HK1: variants seen among roughly 807,000 people sequenced by gnomAD.
The protein encoded by HK1 is hexokinase 1.
A neutral mutation model predicts 91.6 loss-of-function variants in HK1; 28 were observed. The observed-to-expected ratio is 0.31, with a 90% confidence interval of 0.23 to 0.42. The LOEUF (loss-of-function observed/expected upper bound fraction) is 0.42, where lower values mean the gene tolerates loss of function less well. HK1 is among the 10% of genes least tolerant of loss of function. The probability of loss-of-function intolerance (pLI) is 1.00; values close to 1 mark genes in which losing one functional copy is unlikely to be tolerated. For missense variants in HK1, 770 were observed against 1,219.8 expected (o/e 0.63, Z 5.49); for synonymous variants, 430 against 468.1 (o/e 0.92, Z 1.05).
chr10:69,366,117 C>T (rs773226166), intron 4 of HK1, among the ~76,000 whole-genome samples: 7 of 152,160 alleles, frequency 4.6e-5, no homozygotes, highest in Non-Finnish European at 7.3e-5. Flanking sequence ...AGACGTGAGC[C>T]ACTGCACCTG....
At chr10:69,357,399 A>G (rs1849186033) in intron 2 of HK1, among the ~76,000 whole-genome samples, 1 of 152,194 alleles carries the variant, frequency 6.6e-6, no homozygotes, top group Non-Finnish European at 1.5e-5. Flanking sequence ...AACCTTAAAA[A>G]CATTTTGCTT....
At position 69,369,354 on chromosome 10, in the gene HK1, GC is replaced by G; in HGVS notation, c.691+21del. 6.2e-7 allele frequency: 1 copy of G among 1,613,672 alleles called. No individual in the cohort carries two copies. The highest frequency in any genetic ancestry group is 8.5e-7 in the Non-Finnish European group (1 of 1,179,564). The stretch of plus-strand genomic sequence containing the variant: ...GATCATCGGTAATGCATTCCCCTTT[GC>G]CCATCCATTTGTTCGGCCCATCTTT... On this transcript the variant is annotated intron_variant, in intron 6 of 17. Transcript: ENST00000359426. This position sits in a 1 kb window ranked among gnomAD's most constrained non-coding sequence, Gnocchi z 4.4.
At chr10:69,385,539 G>A (rs1186379068) in intron 12 of HK1, among the ~76,000 whole-genome samples, 1 of 152,232 alleles carries the variant, frequency 6.6e-6, no homozygotes, top group Non-Finnish European at 1.5e-5. Context: ...AACCAATGGT[G>A]CAGAGTCACG....
chr10:69,352,683 A>G (rs905454765), intron 2 of HK1, among the ~76,000 whole-genome samples: 20 of 152,234 alleles, frequency 1.3e-4, no homozygotes, highest in Non-Finnish European at 1.8e-4. Flanking sequence ...TCTGTAGAGC[A>G]GAAAGTACAT....
intron 4 of HK1, among the ~76,000 whole-genome samples, chr10:69,297,614 G>T (rs1232420362): frequency 1.3e-5 from 2 of 151,962 alleles, no homozygotes; most frequent in East Asian, 3.9e-4. Context: ...CTTGGTTGAG[G>T]CCGGATGTGG....
chr10:69,375,557 CTCTGTGCCCTGTGCTGA>C (rs373998444), intron 7 of HK1, among the ~76,000 whole-genome samples: 66 of 152,330 alleles, frequency 4.3e-4, no homozygotes, highest in African/African-American at 1.5e-3. Context: ...TTTAAGGAGG[CTCTGTGCCCTGTGCTGA>C]TGGTTGAGGG....
chr10:69,319,189 T>G, intron 1 of HK1, 179 bp downstream of exon 1: 6 of 746,862 alleles, frequency 8.0e-6, no homozygotes, highest in East Asian at 2.8e-5. Context: ...TCAGTGTCTC[T>G]GTGTGTGTGC....
At chr10:69,366,687 A>C (rs959688005) in intron 4 of HK1, among the ~76,000 whole-genome samples, 1 of 152,040 alleles carries the variant, frequency 6.6e-6, no homozygotes, top group African/African-American at 2.4e-5. Context: ...GTATCTGAGA[A>C]CGCCCCTCCA....
intron 1 of HK1, among the ~76,000 whole-genome samples, chr10:69,274,462 G>A (rs1375785189): frequency 6.6e-6 from 1 of 151,946 alleles, no homozygotes; most frequent in Non-Finnish European, 1.5e-5. Context: ...GCTGGGCATG[G>A]TGTCACACAC....
intron 1 of HK1, among the ~76,000 whole-genome samples, chr10:69,342,073 G>A (rs1291964310): frequency 5.3e-5 from 8 of 152,068 alleles, no homozygotes; most frequent in African/African-American, 1.9e-4. Flanking sequence ...GCTTGAACCT[G>A]GGAGGTGGAG....
chr10:69,370,976 C>T (rs142731623), intron 7 of HK1, among the ~76,000 whole-genome samples: 1 of 152,224 alleles, frequency 6.6e-6, no homozygotes, highest in Non-Finnish European at 1.5e-5. Context: ...TACTGTCAAC[C>T]TACAGAGAGA....
At chr10:69,283,245 G>A (rs530312751) in intron 2 of HK1, among the ~76,000 whole-genome samples, 2 of 150,758 alleles carry the variant, frequency 1.3e-5, no homozygotes, top group East Asian at 1.9e-4. Context: ...CCAGGAGTTC[G>A]AGACCAGCCT....
intron 2 of HK1, among the ~76,000 whole-genome samples, chr10:69,352,148 AC>A: frequency 6.6e-6 from 1 of 152,000 alleles, no homozygotes; most frequent in South Asian, 2.1e-4. Context: ...ACCTACCACT[AC>A]ACCCAGCTAA....
At chr10:69,310,076 C>T (rs1413141603) in intron 5 of HK1, among the ~76,000 whole-genome samples, 2 of 147,906 alleles carry the variant, frequency 1.4e-5, no homozygotes, top group Non-Finnish European at 3.0e-5. Context: ...AGAGATTGTA[C>T]CACTGAACTC....
At position 69,382,781 on chromosome 10, in the gene HK1, C is replaced by T. The variant is rs200419488; in HGVS notation, c.1560C>T (p.Pro520=). Residue 520 remains proline, a synonymous_variant, in exon 10 of 18, where the codon CCC becomes CCT. Transcript: ENST00000359426. The part of the protein sequence containing the change: ...KMLPSFVRRT[P]DGTENGDFLA... ...TGCCCTCCTTCGTCCGGAGAACTCC[C>T]GACGGGACCGGTGAGGGCCTGCTGG... 18 of 1,611,214 alleles carry T rather than the reference C, an allele frequency of 1.1e-5. No homozygotes were observed. The highest frequency in any genetic ancestry group is 4.4e-5 in the South Asian group (4 of 90,080).
Position 69,401,237 on chromosome 10 carries a change from G to T in HK1, c.*102G>T. ...TGCGCTGGGAGACGCTGGCGCCAGG[G>T]CCTGCCGGCGCGGGGAGGAAAGCAA... is the stretch of plus-strand genomic sequence containing the variant. On this transcript the variant is annotated 3_prime_UTR_variant, in exon 18 of 18. Transcript: ENST00000359426. 1 of 1,403,056 alleles carries T rather than the reference G, an allele frequency of 7.1e-7. No homozygotes were observed. Among genetic ancestry groups the T allele is most frequent in the Non-Finnish European group, 9.8e-7 (1 of 1,023,152 alleles). 86.9% of individuals were successfully genotyped at this position (1,403,056 alleles called of 1,614,324 possible).
At chr10:69,320,293 A>G (rs1846931620) in intron 1 of HK1, among the ~76,000 whole-genome samples, 1 of 152,090 alleles carries the variant, frequency 6.6e-6, no homozygotes, top group Non-Finnish European at 1.5e-5. Context: ...CTGAGAGACA[A>G]AGCCGCTGGG....
intron 1 of HK1, among the ~76,000 whole-genome samples, chr10:69,334,968 G>A (rs17567544): frequency 0.07 from 10,633 of 152,140 alleles, 545 homozygotes; most frequent in Non-Finnish European, 0.1. Flanking sequence ...AGCTGGGGAC[G>A]GAGAGGCCCA....
chr10:69,396,988 A>G (rs1181152685), intron 16 of HK1, among the ~76,000 whole-genome samples: 1 of 152,144 alleles, frequency 6.6e-6, no homozygotes, highest in Non-Finnish European at 1.5e-5. Context: ...CCCGGCCATA[A>G]TTTCCTTATT....
Sources: gnomAD v4.1 joint callset for allele counts (sites outside exome capture counted in the v4.1 genomes callset) on GRCh38, gnomAD v4.1.1 for gene constraint, Gnocchi (gnomAD v3.1) non-coding constraint, MANE v1.5 for transcripts, NCBI Gene and HGNC (gene_info 2026-07-23, HGNC 2026-07-21) for gene names.